The following PDK2 variants were observed in gnomAD, a reference collection of about 807,000 sequenced individuals.
PDK2 encodes the protein pyruvate dehydrogenase kinase, isozyme 2.
Under a neutral mutation model 50.4 loss-of-function variants are expected in PDK2, and 34 were observed. That is an observed-to-expected ratio of 0.68 (90% CI 0.51 to 0.90). The LOEUF is 0.90. Among genes scored for constraint, PDK2 ranks in the 40% least tolerant of loss-of-function variants. PDK2 has a pLI of 0.00. For missense variants in PDK2, 377 were observed against 544.5 expected (o/e 0.69, Z 3.06); for synonymous variants, 232 against 216.0 (o/e 1.07, Z -0.65).
rs752026536 is a variant in PDK2 at position 50,108,332 on chromosome 17, C to T, written c.776C>T (p.Ala259Val). Residue 259 changes from alanine to valine, a missense_variant, in exon 8 of 11, where the codon GCG (alanine) becomes GTG (valine). Ala to Val is a moderately conservative substitution (Grantham distance 64, BLOSUM62 0). This residue lies in a region of PDK2 where 214 missense variants were observed against 294.0 expected (regional missense o/e 0.73). Coordinates refer to ENST00000503176, the MANE Select transcript of PDK2 (RefSeq NM_002611.5). ...LFELFKNAMRATVESHESSLI... is the reference protein window; with the variant it reads ...LFELFKNAMRVTVESHESSLI... Reference sequence around the variant, plus strand: ...GCCCCTCCGCAGAATGCCATGAGGGCGACTGTGGAAAGCCATGAGTCCAGC... The same window carrying T: ...GCCCCTCCGCAGAATGCCATGAGGGTGACTGTGGAAAGCCATGAGTCCAGC... The T allele has an allele frequency of 8.1e-6, 13 of 1,613,782 alleles. No individual in the cohort carries two copies. The highest frequency in any genetic ancestry group is 2.2e-5 in the East Asian group (1 of 44,890).
chr17:50,106,097 C>CGGGCGGTG, intron 4 of PDK2, 28 bp downstream of exon 4: 1 of 1,569,084 alleles, frequency 6.4e-7, no homozygotes, highest in Non-Finnish European at 8.7e-7. Flanking sequence ...CGGCGGGGAG[C>CGGGCGGTG]GGGCGGTGGG....
chr17:50,108,174 C>T lies in PDK2; in HGVS notation c.704C>T (p.Pro235Leu), dbSNP rs373945942. 50 of 1,595,516 alleles carry T rather than the reference C, an allele frequency of 3.1e-5. No homozygotes were observed. The highest frequency in any genetic ancestry group is 9.4e-5 in the African/African-American group (7 of 74,822). ...CCTGTAGCAGCCAACTCCAAACAGC[C>T]GATTCACATGGTCTACGTCCCCTCC... Reference protein sequence around the residue: ...QEINAANSKQPIHMVYVPSHL... With the variant: ...QEINAANSKQLIHMVYVPSHL... The change falls in exon 7 of 11, where the codon CCG becomes CTG. Residue 235 changes from proline (P) to leucine (L), a missense_variant. Around this residue, in one of 3 missense-constraint regions of PDK2, gnomAD observed 214 missense variants for 294.0 expected, o/e 0.73. Coordinates refer to ENST00000503176, the MANE Select transcript of PDK2 (RefSeq NM_002611.5).
At chr17:50,103,888 C>T (rs760114317) in intron 2 of PDK2, among the ~76,000 whole-genome samples, 1 of 152,080 alleles carries the variant, frequency 6.6e-6, no homozygotes, top group East Asian at 1.9e-4. Flanking sequence ...GGAGGCTGTG[C>T]GTGGGGCTGA....
chr17:50,097,356 C>G (rs1910002827), intron 1 of PDK2, 67 bp from the exon 2 acceptor site: 10 of 1,552,496 alleles, frequency 6.4e-6, no homozygotes, highest in Non-Finnish European at 2.6e-6. Context: ...TTTAGCTGAC[C>G]TGGCCGAGAC....
At chr17:50,108,455 A>C in intron 8 of PDK2, 38 bp downstream of exon 8, 1 of 1,517,072 alleles carries the variant, frequency 6.6e-7, no homozygotes. Context: ...AGGGAGCAGT[A>C]GTGGGGGCTT....
Position 50,106,801 on chromosome 17 carries a change from C to A in PDK2, c.525C>A (p.Ile175=). ...IRMLINQHTL[I]FDGSTNPAHP... ...CTCCCTTCCTGCCTGCAGCCCTCAT[C>A]TTTGATGGCAGCACCAACCCAGCCC... Residue 175 remains isoleucine (I), a synonymous_variant, in exon 5 of 11, where the codon ATC becomes ATA. Transcript: ENST00000503176. 1 of 1,613,934 alleles carries A rather than the reference C, an allele frequency of 6.2e-7. No homozygotes were observed. Among genetic ancestry groups the A allele is most frequent in the East Asian group, 2.2e-5 (1 of 44,890 alleles).
At position 50,110,168 on chromosome 17, in the gene PDK2, C is replaced by T. The variant is rs1910757859; in HGVS notation, c.*71C>T. ...GGTCCCCCCACCGTGGTGCCCCTCA[C>T]CATCCTCCTGGGGGAGCAGGGGGTG... On this transcript the variant is annotated 3_prime_UTR_variant, in exon 11 of 11. Transcript: ENST00000503176. 3 of 1,467,508 alleles carry T rather than the reference C, an allele frequency of 2.0e-6. No individual in the cohort carries two copies. The highest frequency in any genetic ancestry group is 1.4e-5 in the African/African-American group (1 of 71,628). 90.9% of individuals were successfully genotyped at this position (1,467,508 alleles called of 1,614,324 possible).
intron 2 of PDK2, among the ~76,000 whole-genome samples, chr17:50,099,425 G>T (rs550920234): frequency 2.0e-5 from 3 of 152,206 alleles, no homozygotes; most frequent in Non-Finnish European, 4.4e-5. Context: ...TTATTCTTCC[G>T]CAAAGCTTGC....
chr17:50,110,288 C>T lies in PDK2; in HGVS notation c.*191C>T, dbSNP rs192177112. On this transcript the variant is annotated 3_prime_UTR_variant, in exon 11 of 11. Transcript: ENST00000503176. ...AGTGCCAGTCCATCTCTGTGGAGACCCCTCGGTGGCCTCCCTATCTCTGTG... is the reference window on the plus strand; with the variant it reads ...AGTGCCAGTCCATCTCTGTGGAGACTCCTCGGTGGCCTCCCTATCTCTGTG... The T allele has an allele frequency of 1.1e-4, 53 of 490,664 alleles. No individual in the cohort carries two copies. Among genetic ancestry groups the T allele is most frequent in the Middle Eastern group, 1.1e-3 (2 of 1,808 alleles). 30.4% of individuals were successfully genotyped at this position (490,664 alleles called of 1,614,324 possible).
chr17:50,109,275 G>A lies in PDK2; in HGVS notation c.970-12G>A, dbSNP rs375402964. 561 of 1,592,296 alleles carry A rather than the reference G, an allele frequency of 3.5e-4. No individual in the cohort carries two copies. Among genetic ancestry groups the A allele is most frequent in the Non-Finnish European group, 4.6e-4 (532 of 1,162,462 alleles). On this transcript the variant is annotated splice_polypyrimidine_tract_variant and intron_variant, in intron 9 of 10. Transcript: ENST00000503176. This position sits in a 1 kb window ranked among gnomAD's most constrained non-coding sequence, Gnocchi z 5.0. ...GCCTCCTCATCCTCACTGCCTTCCT[G>A]CCCCGCTGCAGGCTGGCTTTGGTTA...
chr17:50,096,215 G>A, intron 1 of PDK2: 1 of 985,530 alleles, frequency 1.0e-6, no homozygotes, highest in Non-Finnish European at 1.2e-6. Flanking sequence ...TCCCCAGCTG[G>A]GCAGGGGCCC....
chr17:50,103,310 C>T (rs1352745484), intron 2 of PDK2, among the ~76,000 whole-genome samples: 3 of 152,002 alleles, frequency 2.0e-5, no homozygotes, highest in African/African-American at 7.3e-5. Context: ...TGAGACAGCC[C>T]CCTTCGTGTG....
chr17:50,106,977 G>T (rs972272927), intron 5 of PDK2, 94 bp downstream of exon 5: 3 of 1,468,588 alleles, frequency 2.0e-6, no homozygotes, highest in African/African-American at 2.8e-5. Flanking sequence ...TCAGTAAGGG[G>T]TGCCATGGAT....
intron 1 of PDK2, chr17:50,096,115 T>C: frequency 1.0e-6 from 1 of 986,002 alleles, no homozygotes; most frequent in Non-Finnish European, 1.2e-6. Flanking sequence ...CCCTGACTGG[T>C]AGACATCCAC....
chr17:50,095,282 A>T, upstream of PDK2: 2 of 571,200 alleles, frequency 3.5e-6, no homozygotes, highest in Admixed American at 6.6e-5. Context: ...GCCATTGGCG[A>T]CGTCGAGGCG....
chr17:50,110,038 G>A lies in PDK2; in HGVS notation c.1165G>A (p.Gly389Ser). The change falls in exon 11 of 11, where the codon GGC becomes AGC. Residue 389 changes from glycine to serine, a missense_variant. Physicochemically the swap from Gly to Ser is moderately conservative, Grantham distance 56 (BLOSUM62 0). Transcript: ENST00000503176. The part of the protein sequence containing the change: ...WRHYQTIQEA[G>S]DWCVPSTEPK... ...CCACTACCAGACCATCCAGGAGGCC[G>A]GCGACTGGTGTGTGCCCAGCACGGA... is the stretch of plus-strand genomic sequence containing the variant. The A allele has an allele frequency of 2.5e-6, 4 of 1,610,514 alleles. No individual in the cohort carries two copies. Among genetic ancestry groups the A allele is most frequent in the East Asian group, 2.2e-5 (1 of 44,760 alleles).
Position 50,097,544 on chromosome 17 carries a change from C to A in PDK2, c.240C>A (p.Ser80=). The change falls in exon 2 of 11, where the codon TCC becomes TCA. Residue 80 remains serine, a synonymous_variant. Coordinates refer to ENST00000503176, the MANE Select transcript of PDK2 (RefSeq NM_002611.5). ...LLPDRVLSTP[S]VQLVQSWYVQ... ...CCGACCGAGTGCTGAGCACACCCTC[C>A]GTGCAGCTGGTGCAGAGCTGGTGAG... is the stretch of plus-strand genomic sequence containing the variant. 5.0e-6 allele frequency: 8 copies of A among 1,613,244 alleles called. No individual in the cohort carries two copies. Among genetic ancestry groups the A allele is most frequent in the Non-Finnish European group, 5.9e-6 (7 of 1,179,940 alleles).
chr17:50,095,376 G>C lies in PDK2; in HGVS notation c.-60G>C. The C allele has an allele frequency of 1.5e-6, 2 of 1,304,838 alleles. No individual in the cohort carries two copies. The highest frequency in any genetic ancestry group is 1.3e-5 in the South Asian group (1 of 79,508). 80.8% of individuals were successfully genotyped at this position (1,304,838 alleles called of 1,614,324 possible). A position where few individuals can be genotyped will look rare whatever the true frequency, so the allele number is the denominator to read the frequency against. Reference sequence around the variant, plus strand: ...GGCGGCCGAACCGCGTCGCTGGGCCGAAAGGTGCGCGAGCGCTGCCCGCGC... The same window carrying C: ...GGCGGCCGAACCGCGTCGCTGGGCCCAAAGGTGCGCGAGCGCTGCCCGCGC... On this transcript the variant is annotated 5_prime_UTR_variant, in exon 1 of 11. Coordinates refer to ENST00000503176, the MANE Select transcript of PDK2 (RefSeq NM_002611.5).
chr17:50,111,070 T>G lies in PDK2; in HGVS notation c.*973T>G, dbSNP rs1404539708. ...GGAGACTGAATGAGACTGGCCTGGC[T>G]GCATCCCTGGGGGAGGGGACCCACA... is the stretch of plus-strand genomic sequence containing the variant. On this transcript the variant is annotated 3_prime_UTR_variant, in exon 11 of 11. Transcript: ENST00000503176. 1 of 152,438 alleles carries G rather than the reference T, an allele frequency of 6.6e-6. No homozygotes were observed. The highest frequency in any genetic ancestry group is 1.9e-4 in the East Asian group (1 of 5,200). 9.4% of individuals were successfully genotyped at this position (152,438 alleles called of 1,614,324 possible).
Sources: allele counts gnomAD v4.1 joint callset (sites outside exome capture counted in the v4.1 genomes callset), GRCh38; gene constraint gnomAD v4.1.1; regional missense constraint gnomAD v4.1.1; non-coding constraint Gnocchi (gnomAD v3.1); transcripts MANE v1.5; gene names NCBI Gene and HGNC (gene_info 2026-07-23, HGNC 2026-07-21).